Variants in GLRA3 observed in about 807,000 individuals in gnomAD.
The protein encoded by GLRA3 is glycine receptor subunit alpha-3.
In GLRA3, 44 loss-of-function variants were observed where a neutral mutation model predicts 60.4. The ratio of observed to expected loss-of-function variants is 0.73; its 90% CI spans 0.57 to 0.94. The LOEUF is 0.94. Ranked by LOEUF, GLRA3 falls within the 40% of genes least tolerant of loss-of-function variation. The pLI is 0.00. For synonymous variants in GLRA3, 223 were observed against 192.9 expected, an observed-to-expected ratio of 1.16 and a Z score of -1.29; for missense variants, 508 against 564.6, an observed-to-expected ratio of 0.90 and a Z score of 1.02.
intron 5 of GLRA3, among the ~76,000 whole-genome samples, chr4:174,701,915 T>C (rs981909530): frequency 3.9e-5 from 6 of 152,202 alleles, no homozygotes; most frequent in Non-Finnish European, 7.3e-5. Context: ...GCAAAGAAAG[T>C]GGTTTCTTGA....
chr4:174,711,685 C>T (rs1197204107), intron 5 of GLRA3, among the ~76,000 whole-genome samples: 2 of 152,028 alleles, frequency 1.3e-5, no homozygotes, highest in Non-Finnish European at 2.9e-5. Context: ...AGTGATCCAC[C>T]TGCCTCAGCC....
At chr4:174,721,897 ATGTG>A (rs1208353545) in intron 4 of GLRA3, among the ~76,000 whole-genome samples, 11 of 148,650 alleles carry the variant, frequency 7.4e-5, no homozygotes, top group African/African-American at 2.6e-4. Flanking sequence ...ATGTGTGTGT[ATGTG>A]TGTATGTGTA....
At chr4:174,658,466 T>C (rs185201853) in intron 8 of GLRA3, among the ~76,000 whole-genome samples, 2 of 152,310 alleles carry the variant, frequency 1.3e-5, no homozygotes, top group East Asian at 3.9e-4. Flanking sequence ...GTCTTCATGA[T>C]GTTCTAAGTT....
chr4:174,652,620 G>A (rs968069039), intron 9 of GLRA3, among the ~76,000 whole-genome samples: 4 of 151,996 alleles, frequency 2.6e-5, no homozygotes, highest in Non-Finnish European at 4.4e-5. Flanking sequence ...ATATCATACT[G>A]TGAGACTTTG....
chr4:174,759,873 G>A (rs2111219088), intron 3 of GLRA3, among the ~76,000 whole-genome samples: 1 of 152,178 alleles, frequency 6.6e-6, no homozygotes, highest in East Asian at 1.9e-4. Flanking sequence ...ACTCCAAGGG[G>A]ACTAAAACCT....
At chr4:174,798,812 T>A (rs945728656) in intron 1 of GLRA3, among the ~76,000 whole-genome samples, 2 of 151,882 alleles carry the variant, frequency 1.3e-5, no homozygotes, top group African/African-American at 4.8e-5. Context: ...TAGTCCCAGC[T>A]ACTCGGGAGG....
intron 2 of GLRA3, among the ~76,000 whole-genome samples, chr4:174,777,734 T>C (rs2111265281): frequency 6.6e-6 from 1 of 152,292 alleles, no homozygotes; most frequent in Admixed American, 6.5e-5. Flanking sequence ...CTAATCTTGG[T>C]TCATCAATAA....
At chr4:174,678,096 A>T (rs1031434232) in intron 6 of GLRA3, among the ~76,000 whole-genome samples, 1 of 152,254 alleles carries the variant, frequency 6.6e-6, no homozygotes, top group African/African-American at 2.4e-5. Flanking sequence ...CAAATAGGAA[A>T]ATATGTGTTA....
intron 9 of GLRA3, among the ~76,000 whole-genome samples, chr4:174,654,446 A>G (rs751494178): frequency 2.3e-4 from 35 of 152,166 alleles, no homozygotes; most frequent in Non-Finnish European, 4.4e-4. Context: ...GTGCCTAGCA[A>G]AACATAAACT....
At chr4:174,786,768 T>A (rs944628461) in intron 2 of GLRA3, among the ~76,000 whole-genome samples, 3 of 152,206 alleles carry the variant, frequency 2.0e-5, no homozygotes. Flanking sequence ...ATAATTGATA[T>A]TATTTTTGGC....
chr4:174,753,245 T>G (rs1737556708), intron 3 of GLRA3, among the ~76,000 whole-genome samples: 2 of 152,142 alleles, frequency 1.3e-5, no homozygotes, highest in Admixed American at 6.6e-5. Context: ...TTAGTTGGCT[T>G]GTTGTTTTGT....
intron 3 of GLRA3, among the ~76,000 whole-genome samples, chr4:174,745,160 AC>A (rs1034494672): frequency 3.5e-4 from 53 of 152,344 alleles, no homozygotes; most frequent in African/African-American, 1.2e-3. Flanking sequence ...GCATAAAGCA[AC>A]CAAACATACA....
intron 7 of GLRA3, among the ~76,000 whole-genome samples, chr4:174,660,793 ATT>A (rs1733403842): frequency 6.6e-6 from 1 of 152,100 alleles, no homozygotes; most frequent in Admixed American, 6.5e-5. Flanking sequence ...CTGTTTATTC[ATT>A]TGTTTATTTA....
chr4:174,700,477 C>A (rs1735264154), intron 5 of GLRA3, among the ~76,000 whole-genome samples: 1 of 152,128 alleles, frequency 6.6e-6, no homozygotes. Flanking sequence ...AACTACCTCC[C>A]TATATGATGG....
chr4:174,814,255 G>A (rs763373315), intron 1 of GLRA3, among the ~76,000 whole-genome samples: 8 of 152,260 alleles, frequency 5.3e-5, no homozygotes, highest in East Asian at 1.9e-4. Context: ...ATGAATTGAA[G>A]GGTGGTGAAT....
intron 2 of GLRA3, among the ~76,000 whole-genome samples, chr4:174,788,590 TAAAA>T (rs35640897): frequency 2.3e-5 from 2 of 87,874 alleles, no homozygotes; most frequent in Admixed American, 1.4e-4. Flanking sequence ...GTTAGAGAAG[TAAAA>T]AAAAAAAAAA....
intron 7 of GLRA3, among the ~76,000 whole-genome samples, chr4:174,672,944 G>A (rs113638697): frequency 3.3e-5 from 5 of 152,138 alleles, no homozygotes; most frequent in African/African-American, 1.2e-4. Context: ...GTGTGTGTGT[G>A]CATCTGTTTG....
At chr4:174,664,494 G>A (rs1733579762) in intron 7 of GLRA3, among the ~76,000 whole-genome samples, 1 of 152,028 alleles carries the variant, frequency 6.6e-6, no homozygotes. Flanking sequence ...CTCTGCAGTT[G>A]TTCACCCCCA....
At chr4:174,684,182 C>T (rs906995641) in intron 5 of GLRA3, among the ~76,000 whole-genome samples, 1 of 145,628 alleles carries the variant, frequency 6.9e-6, no homozygotes, top group African/African-American at 2.5e-5. Context: ...CAGTATATTG[C>T]TGGCAGCTAT....
Sources: allele counts gnomAD v4.1 joint callset (sites outside exome capture counted in the v4.1 genomes callset), GRCh38; gene constraint gnomAD v4.1.1; transcripts MANE v1.5; gene names NCBI Gene and HGNC (gene_info 2026-07-23, HGNC 2026-07-21).